ANP32A: variants seen among roughly 807,000 people sequenced by gnomAD.
The protein encoded by ANP32A is acidic nuclear phosphoprotein 32 family member A.
In ANP32A, 1 loss-of-function variant was observed where a neutral mutation model predicts 33.9. The ratio of observed to expected loss-of-function variants is 0.03; its 90% CI spans 0.01 to 0.14. The LOEUF is 0.14. Ranked by LOEUF, ANP32A falls within the 10% of genes least tolerant of loss-of-function variation. The pLI is 1.00. For missense variants in ANP32A, 155 were observed against 306.0 expected (o/e 0.51, Z 3.68); for synonymous variants, 115 against 120.5 (o/e 0.95, Z 0.30).
intron 1 of ANP32A, among the ~76,000 whole-genome samples, chr15:68,799,824 G>A (rs1894107396): frequency 6.6e-6 from 1 of 152,228 alleles, no homozygotes; most frequent in Admixed American, 6.5e-5. Flanking sequence ...AGGAACTAGT[G>A]ATGTTTAGGC....
Position 68,780,657 on chromosome 15 carries a change from G to T in ANP32A, c.625-184C>A. On this transcript the variant is annotated intron_variant, in intron 5 of 6. Coordinates refer to ENST00000465139, the MANE Select transcript of ANP32A (RefSeq NM_006305.4). The surrounding 1 kb of genome is among the most constrained non-coding windows in gnomAD (Gnocchi z 4.3). ...ATTTATTTCAGATCAAGGACTCATT[G>T]GGAAATCTGCAGAAAGCTTTGAACT... is the stretch of plus-strand genomic sequence containing the variant. The T allele has an allele frequency of 1.0e-6, 1 of 999,094 alleles. No homozygotes were observed. Among genetic ancestry groups the T allele is most frequent in the Non-Finnish European group, 1.4e-6 (1 of 722,444 alleles). The allele number at this position is 999,094 out of a possible 1,614,324, so 61.9% of individuals were successfully genotyped here.
chr15:68,781,312 A>C (rs1213790976), intron 5 of ANP32A: 1 of 151,920 alleles, frequency 6.6e-6, no homozygotes, highest in Non-Finnish European at 1.5e-5. Context: ...TGAAAGCTGG[A>C]AATATGCAGA....
At chr15:68,782,542 C>T (rs1229588340) in intron 5 of ANP32A, among the ~76,000 whole-genome samples, 1 of 152,190 alleles carries the variant, frequency 6.6e-6, no homozygotes, top group Admixed American at 6.5e-5. Flanking sequence ...ATTTGGGATC[C>T]AGCAGTGTTA....
rs3784358 is a variant in ANP32A at position 68,783,449 on chromosome 15, G to A, written c.527-396C>T. The stretch of plus-strand genomic sequence containing the variant: ...ACTGACTTGTTCAAGGTCACGCATC[G>A]AGTCACTAGTTGAGCTGGGCCTAGG... On this transcript the variant is annotated intron_variant, in intron 4 of 6. Coordinates refer to ENST00000465139, the MANE Select transcript of ANP32A (RefSeq NM_006305.4). 3.3e-5 allele frequency among the ~76,000 whole-genome samples: 5 copies of A among 152,146 alleles called. 1 individual carries two copies. The highest frequency in any genetic ancestry group is 4.1e-4 in the South Asian group (2 of 4,822).
intron 1 of ANP32A, among the ~76,000 whole-genome samples, chr15:68,798,750 C>T (rs1343317297): frequency 6.6e-6 from 1 of 152,242 alleles, no homozygotes; most frequent in Admixed American, 6.5e-5. Flanking sequence ...TTCCACACAT[C>T]CATGCAGAGC....
chr15:68,795,375 G>A (rs1280250292), intron 1 of ANP32A, among the ~76,000 whole-genome samples: 1 of 152,168 alleles, frequency 6.6e-6, no homozygotes, highest in Non-Finnish European at 1.5e-5. Flanking sequence ...CACATGGCCC[G>A]GGGAAGTCGG....
intron 1 of ANP32A, chr15:68,790,428 C>CA (rs2140362216): frequency 6.6e-6 from 1 of 152,312 alleles, no homozygotes; most frequent in South Asian, 2.1e-4. Flanking sequence ...AGGAATGCTA[C>CA]AGATAGACAT....
At position 68,778,576 on chromosome 15, in the gene ANP32A, A is replaced by C. The variant is rs2140357227; in HGVS notation, c.*1505T>G. 6.6e-6 allele frequency: 1 copy of C among 152,348 alleles called. No individual in the cohort carries two copies. Among genetic ancestry groups the C allele is most frequent in the Non-Finnish European group, 1.5e-5 (1 of 68,032 alleles). 9.4% of individuals were successfully genotyped at this position (152,348 alleles called of 1,614,324 possible). A position where few individuals can be genotyped will look rare whatever the true frequency, so the allele number is the denominator to read the frequency against. ...TTTTATAAACATTCCTGAGTTTTCA[A>C]CCATACATTCTTTTTACAATACGAC... On this transcript the variant is annotated 3_prime_UTR_variant, in exon 7 of 7. Transcript: ENST00000465139.
chr15:68,820,718 G>T lies in ANP32A; in HGVS notation c.34C>A (p.Arg12=), dbSNP rs1430591540. 6.2e-7 allele frequency: 1 copy of T among 1,612,976 alleles called. No homozygotes were observed. Among genetic ancestry groups the T allele is most frequent in the Non-Finnish European group, 8.5e-7 (1 of 1,179,822 alleles). The change falls in exon 1 of 7, where the codon CGG becomes AGG. Residue 12 remains arginine (R), a synonymous_variant. Coordinates refer to ENST00000465139, the MANE Select transcript of ANP32A (RefSeq NM_006305.4). ...CTCACATCAGAGGGCGTCCTGTTCCGCAGCTCTAAATGAATCCGTCTGCCC... is the reference window on the plus strand; with the variant it reads ...CTCACATCAGAGGGCGTCCTGTTCCTCAGCTCTAAATGAATCCGTCTGCCC... The part of the protein sequence containing the change: ...EMGRRIHLEL[R]NRTPSDVKEL...
chr15:68,812,580 G>T (rs1465728754), intron 1 of ANP32A, among the ~76,000 whole-genome samples: 1 of 152,144 alleles, frequency 6.6e-6, no homozygotes, highest in Non-Finnish European at 1.5e-5. Context: ...CCTCACAAAG[G>T]TACCAAGGGC....
chr15:68,795,315 T>G (rs1407375301), intron 1 of ANP32A, among the ~76,000 whole-genome samples: 1 of 152,196 alleles, frequency 6.6e-6, no homozygotes, highest in South Asian at 2.1e-4. Flanking sequence ...CGTCTCTGAT[T>G]TTTTTTGTTG....
At chr15:68,801,403 C>G (rs2140367343) in intron 1 of ANP32A, among the ~76,000 whole-genome samples, 1 of 152,048 alleles carries the variant, frequency 6.6e-6, no homozygotes, top group Non-Finnish European at 1.5e-5. Flanking sequence ...GGTTTGGTTT[C>G]AGGCTTTACT....
intron 5 of ANP32A, among the ~76,000 whole-genome samples, chr15:68,782,042 G>A (rs1179882463): frequency 6.6e-6 from 1 of 152,212 alleles, no homozygotes; most frequent in South Asian, 2.1e-4. Flanking sequence ...AAACTGCGGG[G>A]GGAGTTGGGA....
chr15:68,802,244 A>G (rs919032802), intron 1 of ANP32A, among the ~76,000 whole-genome samples: 4 of 152,042 alleles, frequency 2.6e-5, no homozygotes, highest in South Asian at 2.1e-4. Context: ...TCTCCCTCCT[A>G]TCTTATCCTC....
At chr15:68,794,698 G>T (rs1894040875) in intron 1 of ANP32A, among the ~76,000 whole-genome samples, 1 of 152,182 alleles carries the variant, frequency 6.6e-6, no homozygotes, top group East Asian at 1.9e-4. Flanking sequence ...AAAATCGATG[G>T]TTTTGCTGAA....
At chr15:68,815,750 C>G (rs950129384) in intron 1 of ANP32A, among the ~76,000 whole-genome samples, 1 of 152,192 alleles carries the variant, frequency 6.6e-6, no homozygotes. Context: ...AGTGCGAGAA[C>G]CCGGCTGTGC....
intron 1 of ANP32A, among the ~76,000 whole-genome samples, chr15:68,803,690 T>G (rs2140368519): frequency 6.6e-6 from 1 of 152,218 alleles, no homozygotes; most frequent in South Asian, 2.1e-4. Context: ...GAAAGTCGCT[T>G]TTACTAGGAT....
chr15:68,786,183 G>A (rs1188756129), intron 3 of ANP32A, among the ~76,000 whole-genome samples: 3 of 151,360 alleles, frequency 2.0e-5, no homozygotes, highest in Admixed American at 1.3e-4. Context: ...AGGGAAATTT[G>A]GCAAACGTGG....
chr15:68,807,321 A>ACGGGAAAGG (rs1266770929), intron 1 of ANP32A, among the ~76,000 whole-genome samples: 3 of 146,984 alleles, frequency 2.0e-5, no homozygotes, highest in Non-Finnish European at 4.6e-5. Context: ...AGCAACTGCT[A>ACGGGAAAGG]TGGGAAAGGT....
Sources: gnomAD v4.1 joint callset for allele counts (sites outside exome capture counted in the v4.1 genomes callset) on GRCh38, gnomAD v4.1.1 for gene constraint, Gnocchi (gnomAD v3.1) non-coding constraint, MANE v1.5 for transcripts, NCBI Gene and HGNC (gene_info 2026-07-23, HGNC 2026-07-21) for gene names.